The following CDH13 variants were observed in gnomAD, a reference collection of about 807,000 sequenced individuals.
CDH13 encodes the protein cadherin 13.
CDH13 carries 24 observed loss-of-function variants against 63.8 expected under a neutral mutation model. The observed-to-expected ratio is 0.38, with a 90% confidence interval of 0.27 to 0.53. The LOEUF (loss-of-function observed/expected upper bound fraction) is 0.53, where lower values mean the gene tolerates loss of function less well. Among genes scored for constraint, CDH13 ranks in the 20% least tolerant of loss-of-function variants. The pLI, the probability that CDH13 is intolerant of heterozygous loss-of-function variation, is 0.85. For synonymous variants in CDH13, 503 were observed against 355.3 expected (o/e 1.42, Z -4.67); for missense variants, 1,049 against 903.1 (o/e 1.16, Z -2.07).
intron 6 of CDH13, among the ~76,000 whole-genome samples, chr16:83,480,561 T>C (rs1356581647): frequency 1.3e-5 from 2 of 152,206 alleles, no homozygotes; most frequent in Non-Finnish European, 2.9e-5. Flanking sequence ...AGTGAATGGC[T>C]GTAGGCTGTG....
intron 2 of CDH13, among the ~76,000 whole-genome samples, chr16:82,963,561 C>T (rs1223159313): frequency 6.6e-6 from 1 of 152,092 alleles, no homozygotes; most frequent in Non-Finnish European, 1.5e-5. Flanking sequence ...CATAGTCTGT[C>T]TTCCCCTTAT....
chr16:83,767,608 C>A (rs1415680558), intron 11 of CDH13, among the ~76,000 whole-genome samples: 1 of 152,160 alleles, frequency 6.6e-6, no homozygotes, highest in East Asian at 1.9e-4. Flanking sequence ...CAATGTCCAT[C>A]AGCTGGTGAG....
At chr16:83,008,041 C>T (rs892446392) in intron 2 of CDH13, among the ~76,000 whole-genome samples, 6 of 152,060 alleles carry the variant, frequency 3.9e-5, no homozygotes, top group South Asian at 4.2e-4. Context: ...AGAGAAGACA[C>T]GGAAATGAAG....
chr16:83,540,301 A>G (rs115407773), intron 7 of CDH13, among the ~76,000 whole-genome samples: 73 of 152,306 alleles, frequency 4.8e-4, no homozygotes, highest in Admixed American at 7.8e-4. Flanking sequence ...GAATGTTGGC[A>G]GACCGACAAA....
intron 1 of CDH13, among the ~76,000 whole-genome samples, chr16:82,801,878 AT>A: frequency 6.6e-6 from 1 of 152,220 alleles, no homozygotes; most frequent in East Asian, 1.9e-4. Flanking sequence ...CCAAACACTC[AT>A]TATGACAAAA....
chr16:83,731,338 C>G (rs1911022775), intron 10 of CDH13, among the ~76,000 whole-genome samples: 1 of 151,346 alleles, frequency 6.6e-6, no homozygotes, highest in Non-Finnish European at 1.5e-5. Context: ...CATTTTTTGA[C>G]TTTTTAATAA....
chr16:83,595,748 C>T (rs978148616), intron 7 of CDH13, among the ~76,000 whole-genome samples: 1 of 152,210 alleles, frequency 6.6e-6, no homozygotes, highest in South Asian at 2.1e-4. Flanking sequence ...ACTGCAAGGA[C>T]GCCTGAGCTG....
At chr16:82,987,659 G>GAGC (rs1248675554) in intron 2 of CDH13, among the ~76,000 whole-genome samples, 1 of 152,188 alleles carries the variant, frequency 6.6e-6, no homozygotes, top group Non-Finnish European at 1.5e-5. Flanking sequence ...TTACAGGCAT[G>GAGC]AGCCACTGTG....
intron 6 of CDH13, among the ~76,000 whole-genome samples, chr16:83,477,829 C>T (rs2073645818): frequency 6.6e-6 from 1 of 152,202 alleles, no homozygotes; most frequent in Non-Finnish European, 1.5e-5. Flanking sequence ...ACTGAGTGAT[C>T]TTTTATTTTT....
chr16:82,797,773 CCG>C (rs1491168474), intron 1 of CDH13, among the ~76,000 whole-genome samples: 1 of 88,092 alleles, frequency 1.1e-5, no homozygotes, highest in Non-Finnish European at 2.5e-5. Flanking sequence ...GACTTTAGGG[CCG>C]TGTGTGTGTG....
intron 6 of CDH13, among the ~76,000 whole-genome samples, chr16:83,398,475 G>T (rs1225373530): frequency 6.6e-6 from 1 of 152,104 alleles, no homozygotes. Context: ...GACCTTCCTA[G>T]ATAATCCAGG....
intron 4 of CDH13, among the ~76,000 whole-genome samples, chr16:83,141,380 A>C (rs914290752): frequency 2.0e-5 from 3 of 152,206 alleles, no homozygotes; most frequent in African/African-American, 7.2e-5. Context: ...GAGCCTCAGC[A>C]TAAGCTTGAC....
chr16:83,325,184 A>C (rs2090332428), intron 5 of CDH13, among the ~76,000 whole-genome samples: 1 of 152,220 alleles, frequency 6.6e-6, no homozygotes, highest in African/African-American at 2.4e-5. Context: ...ACTCCAGATG[A>C]GTTTAAGAAA....
intron 6 of CDH13, among the ~76,000 whole-genome samples, chr16:83,474,771 C>T (rs2073558413): frequency 6.6e-6 from 1 of 152,192 alleles, no homozygotes; most frequent in African/African-American, 2.4e-5. Context: ...ACAGGGAACC[C>T]AGAGCTTAGG....
intron 6 of CDH13, among the ~76,000 whole-genome samples, chr16:83,404,023 G>T (rs967480375): frequency 6.6e-6 from 1 of 152,104 alleles, no homozygotes. Context: ...TTTTTTTCCA[G>T]TGTCTCTTCT....
intron 1 of CDH13, among the ~76,000 whole-genome samples, chr16:82,638,793 G>C (rs538574995): frequency 4.0e-5 from 3 of 75,270 alleles, no homozygotes; most frequent in African/African-American, 8.2e-5. Context: ...CCCATCATCT[G>C]TTCCTGGGAG....
intron 1 of CDH13, among the ~76,000 whole-genome samples, chr16:82,705,858 T>C (rs1016138181): frequency 1.3e-5 from 2 of 152,216 alleles, no homozygotes; most frequent in Non-Finnish European, 2.9e-5. Flanking sequence ...TCTGACTGCA[T>C]GAAGAAGGGG....
intron 6 of CDH13, among the ~76,000 whole-genome samples, chr16:83,452,345 A>C (rs997219257): frequency 2.8e-5 from 3 of 107,518 alleles, no homozygotes; most frequent in African/African-American, 1.1e-4. Flanking sequence ...TTATTCACTC[A>C]TTTGTTCAGC....
chr16:82,912,634 G>A (rs982718183), intron 2 of CDH13, among the ~76,000 whole-genome samples: 1 of 152,226 alleles, frequency 6.6e-6, no homozygotes, highest in East Asian at 1.9e-4. Context: ...TGTGCTTTCT[G>A]TTATTGCATT....
Sources: allele counts gnomAD v4.1 joint callset (sites outside exome capture counted in the v4.1 genomes callset), GRCh38; gene constraint gnomAD v4.1.1; transcripts MANE v1.5; gene names NCBI Gene and HGNC (gene_info 2026-07-23, HGNC 2026-07-21).